The following RB1 variants were observed in gnomAD, a reference collection of about 807,000 sequenced individuals.
RB1 encodes retinoblastoma-associated protein.
Under a neutral mutation model 135.4 loss-of-function variants are expected in RB1, and 18 were observed. That is an observed-to-expected ratio of 0.13 (90% CI 0.09 to 0.20). The LOEUF (loss-of-function observed/expected upper bound fraction) is 0.20, where lower values mean the gene tolerates loss of function less well. Ranked by LOEUF, RB1 falls within the 10% of genes least tolerant of loss-of-function variation. The pLI, the probability that RB1 is intolerant of heterozygous loss-of-function variation, is 1.00. For missense variants in RB1, 868 were observed against 1,110.0 expected, an observed-to-expected ratio of 0.78 and a Z score of 3.10; for synonymous variants, 365 against 373.2, an observed-to-expected ratio of 0.98 and a Z score of 0.25.
chr13:48,453,195 C>A, intron 18 of RB1, 84 bp downstream of exon 18: 1 of 1,306,030 alleles, frequency 7.7e-7, no homozygotes. Context: ...TATAAAGAAA[C>A]TGTAGGGAAT....
At chr13:48,374,927 G>C (rs547876656) in intron 12 of RB1, among the ~76,000 whole-genome samples, 1 of 151,854 alleles carries the variant, frequency 6.6e-6, no homozygotes, top group Non-Finnish European at 1.5e-5. Flanking sequence ...ATGAGTACCT[G>C]ATATTTAGCT....
rs1278584026 is a variant in RB1 at position 48,320,838 on chromosome 13, A to AG, written c.264+13432_264+13433insG. On this transcript the variant is annotated intron_variant, in intron 2 of 26. Coordinates refer to ENST00000267163, the MANE Select transcript of RB1 (RefSeq NM_000321.3). ...AGAGCGAGACTCCGTCTCAAAAAAG[A>AG]AAAAAAAAAAAAAGAGTGGCAAGTG... 3.2e-3 allele frequency among the ~76,000 whole-genome samples: 417 copies of AG among 131,290 alleles called. 2 individuals are homozygous for AG. Among genetic ancestry groups the AG allele is most frequent in the African/African-American group, 0.013 (398 of 31,200 alleles). 86.1% of individuals were successfully genotyped at this position (131,290 alleles called of 152,430 possible).
At chr13:48,442,645 G>A (rs928326142) in intron 17 of RB1, among the ~76,000 whole-genome samples, 1 of 152,078 alleles carries the variant, frequency 6.6e-6, no homozygotes, top group Non-Finnish European at 1.5e-5. Context: ...TTTGACTTCT[G>A]TTAACACCTC....
rs781333617 is a variant in RB1, at chr13:48,411,368, G to A, written c.1695+29925G>A. On this transcript the variant is annotated intron_variant, in intron 17 of 26. Transcript: ENST00000267163. The stretch of plus-strand genomic sequence containing the variant: ...GAAGGAACTTGAAAGTTCTGTCCCA[G>A]TGAGTCCTAATGGTTTTATTTCAGG... The A allele has an allele frequency of 2.5e-6, 4 of 1,589,694 alleles. No individual in the cohort carries two copies. In the Admixed American group the frequency reaches 6.7e-5, roughly 26 times the overall value.
chr13:48,317,278 A>G (rs7324532), intron 2 of RB1: 37,851 of 400,214 alleles, frequency 0.095, 6,874 homozygotes, highest in African/African-American at 0.48. Context: ...GGAGAAGCCC[A>G]CAAGGGGTAG....
chr13:48,387,689 C>T (rs1480351152), intron 17 of RB1, among the ~76,000 whole-genome samples: 1 of 151,998 alleles, frequency 6.6e-6, no homozygotes, highest in African/African-American at 2.4e-5. Flanking sequence ...TTGAATTGTA[C>T]ACATTAAATG....
At chr13:48,411,783 G>C in intron 17 of RB1, 1 of 1,611,418 alleles carries the variant, frequency 6.2e-7, no homozygotes, top group Non-Finnish European at 8.5e-7. Context: ...TAATGTAACA[G>C]GTTTGGTTAA....
chr13:48,323,364 A>AT (rs375348994), intron 2 of RB1, among the ~76,000 whole-genome samples: 2,079 of 151,316 alleles, frequency 0.014, 41 homozygotes, highest in African/African-American at 0.047. Context: ...GTTAGTAGTA[A>AT]TTTTTTTTTA....
intron 17 of RB1, among the ~76,000 whole-genome samples, chr13:48,418,662 T>G (rs182872467): frequency 6.7e-6 from 1 of 149,438 alleles, no homozygotes; most frequent in East Asian, 2.0e-4. Context: ...CAAAGACACG[T>G]GCTCTAAATA....
chr13:48,435,898 CTAAT>C (rs1949178449), intron 17 of RB1, among the ~76,000 whole-genome samples: 1 of 152,124 alleles, frequency 6.6e-6, no homozygotes, highest in Admixed American at 6.5e-5. Flanking sequence ...AGAATTTAAA[CTAAT>C]TATATTAATA....
chr13:48,373,055 G>A (rs1390567657), intron 11 of RB1, among the ~76,000 whole-genome samples: 1 of 152,098 alleles, frequency 6.6e-6, no homozygotes, highest in Non-Finnish European at 1.5e-5. Flanking sequence ...ATTTGAAAAT[G>A]TTTAATATTT....
chr13:48,358,000 G>T (rs1952607717), intron 6 of RB1, among the ~76,000 whole-genome samples: 1 of 152,132 alleles, frequency 6.6e-6, no homozygotes, highest in Non-Finnish European at 1.5e-5. Context: ...GATAAGGAAT[G>T]TAAAGGGAAA....
chr13:48,316,303 C>T (rs1952181520), intron 2 of RB1, among the ~76,000 whole-genome samples: 1 of 152,012 alleles, frequency 6.6e-6, no homozygotes, highest in African/African-American at 2.4e-5. Context: ...ATAAAAAGTG[C>T]TGTCCTGCGA....
chr13:48,320,196 A>G, intron 2 of RB1: 1 of 941,566 alleles, frequency 1.1e-6, no homozygotes, highest in South Asian at 1.5e-5. Context: ...GACCACAGGC[A>G]GGCAATGCGG....
intron 17 of RB1, chr13:48,406,521 T>C (rs1948741496): frequency 1.3e-5 from 2 of 152,228 alleles, no homozygotes; most frequent in African/African-American, 4.8e-5. Flanking sequence ...CTACCCTGTA[T>C]CAGACGAATC....
intron 24 of RB1, among the ~76,000 whole-genome samples, chr13:48,474,164 A>G (rs1305604124): frequency 6.6e-6 from 1 of 151,968 alleles, no homozygotes; most frequent in African/African-American, 2.4e-5. Flanking sequence ...AGATCTCCCA[A>G]CCTTATTGTT....
rs1486168292 is a variant in RB1 at position 48,379,650 on chromosome 13, A to G, written c.1389A>G (p.Ser463=). The G allele has an allele frequency of 1.2e-6, 2 of 1,611,182 alleles. No individual in the cohort carries two copies. The highest frequency in any genetic ancestry group is 1.7e-6 in the Non-Finnish European group (2 of 1,179,148). ...GAGTAATGGAATCCATGCTTAAATC[A>G]GTAAGTTAAAAACAATATAAAAAAA... The part of the protein sequence containing the change: ...YYRVMESMLK[S]EEERLSIQNF... The change falls in exon 14 of 27, where the codon TCA becomes TCG. Residue 463 remains serine (S), a splice_region_variant and synonymous_variant. Transcript: ENST00000267163.
chr13:48,380,366 A>G (rs912556086), intron 16 of RB1, 125 bp downstream of exon 16: 16 of 731,584 alleles, frequency 2.2e-5, no homozygotes, highest in Non-Finnish European at 3.5e-5. Flanking sequence ...TTAGATCACT[A>G]TATACTGAAG....
intron 2 of RB1, among the ~76,000 whole-genome samples, chr13:48,324,093 A>G (rs1281781119): frequency 2.0e-5 from 3 of 152,056 alleles, no homozygotes; most frequent in Non-Finnish European, 2.9e-5. Context: ...AGGTGTACAT[A>G]TTTATGGGAT....
Sources: gnomAD v4.1 joint callset for allele counts (sites outside exome capture counted in the v4.1 genomes callset) on GRCh38, gnomAD v4.1.1 for gene constraint, MANE v1.5 for transcripts, NCBI Gene and HGNC (gene_info 2026-07-23, HGNC 2026-07-21) for gene names.